ITPR1: variants seen among roughly 807,000 people sequenced by gnomAD.
ITPR1 encodes inositol 1,4,5-trisphosphate receptor type 1.
Under a neutral mutation model 318.4 loss-of-function variants are expected in ITPR1, and 96 were observed. The observed-to-expected ratio is 0.30, with a 90% confidence interval of 0.26 to 0.36. The LOEUF (loss-of-function observed/expected upper bound fraction) is 0.36, where lower values mean the gene tolerates loss of function less well. Ranked by LOEUF, ITPR1 falls within the 10% of genes least tolerant of loss-of-function variation. The pLI, the probability that ITPR1 is intolerant of heterozygous loss-of-function variation, is 1.00. For missense variants in ITPR1, 2,440 were observed against 3,460.2 expected (o/e 0.71, Z 7.40); for synonymous variants, 1,312 against 1,289.9 (o/e 1.02, Z -0.37).
Position 4,626,922 on chromosome 3 carries a change from G to A in ITPR1, c.164-841G>A, listed in dbSNP as rs144200754. Among the ~76,000 whole-genome samples, 112 of 152,236 alleles carry A rather than the reference G, an allele frequency of 7.4e-4. 2 individuals are homozygous for A. The highest frequency in any genetic ancestry group is 5.0e-3 in the East Asian group (26 of 5,180). The stretch of plus-strand genomic sequence containing the variant: ...CAACCTCTGCTTCCCAGTTTCAAGC[G>A]ATTCTTGTGCCTCAGCCACTGGAGT... On this transcript the variant is annotated intron_variant, in intron 4 of 61. Transcript: ENST00000649015.
intron 57 of ITPR1, chr3:4,814,191 A>T (rs2049129152): frequency 3.8e-6 from 2 of 529,330 alleles, no homozygotes; most frequent in Middle Eastern, 5.3e-4. Flanking sequence ...GATCCCACAG[A>T]GGGAGAGCAA....
chr3:4,838,817 A>G (rs2051120176), intron 61 of ITPR1, among the ~76,000 whole-genome samples: 1 of 152,226 alleles, frequency 6.6e-6, no homozygotes, highest in Non-Finnish European at 1.5e-5. Flanking sequence ...AATTTACTAG[A>G]GAGTTTCTTA....
chr3:4,702,136 G>C (rs1050621124), intron 35 of ITPR1, among the ~76,000 whole-genome samples: 10 of 110,652 alleles, frequency 9.0e-5, no homozygotes, highest in African/African-American at 2.0e-4. Flanking sequence ...CAGAAAGTCA[G>C]TGTCAAATTG....
intron 13 of ITPR1, among the ~76,000 whole-genome samples, chr3:4,659,764 T>C (rs1008373122): frequency 6.6e-6 from 1 of 152,144 alleles, no homozygotes; most frequent in Non-Finnish European, 1.5e-5. Flanking sequence ...TAGTTAATAT[T>C]GTATTAACTG....
intron 39 of ITPR1, among the ~76,000 whole-genome samples, chr3:4,717,027 A>G (rs1477160588): frequency 2.6e-5 from 4 of 152,224 alleles, no homozygotes; most frequent in African/African-American, 7.2e-5. Context: ...CCTCTTCGGA[A>G]AAAAACATTG....
intron 4 of ITPR1, among the ~76,000 whole-genome samples, chr3:4,579,993 G>A (rs932744040): frequency 4.6e-5 from 7 of 152,112 alleles, no homozygotes; most frequent in East Asian, 1.9e-4. Flanking sequence ...GGTGGATCAC[G>A]AAGTCAGGAG....
At chr3:4,706,047 G>C in intron 36 of ITPR1, 120 bp from the exon 37 acceptor site, 1 of 957,874 alleles carries the variant, frequency 1.0e-6, no homozygotes, top group Non-Finnish European at 1.6e-6. Flanking sequence ...CTCAATACCA[G>C]GCAAGCTGGC....
chr3:4,729,611 G>A (rs2042760463), intron 42 of ITPR1, among the ~76,000 whole-genome samples: 1 of 152,136 alleles, frequency 6.6e-6, no homozygotes, highest in Non-Finnish European at 1.5e-5. Flanking sequence ...CTCTTCCCAC[G>A]CAGTTCATTC....
At chr3:4,794,272 C>T (rs983448012) in intron 52 of ITPR1, among the ~76,000 whole-genome samples, 62 of 152,326 alleles carry the variant, frequency 4.1e-4, no homozygotes, top group African/African-American at 1.5e-3. Flanking sequence ...GCCCGGCCAG[C>T]GTGGGATAAC....
At chr3:4,622,634 C>G (rs1436959322) in intron 4 of ITPR1, among the ~76,000 whole-genome samples, 2 of 152,172 alleles carry the variant, frequency 1.3e-5, no homozygotes, top group East Asian at 3.9e-4. Flanking sequence ...ATGTTGGCCT[C>G]CATCTCTTGA....
Position 4,660,994 on chromosome 3 carries a change from T to C in ITPR1, c.1158T>C (p.Ser386=), listed in dbSNP as rs1390600030. ...RGGDSLVPRN[S]YVRLRHLCTN... ...CTCCTTTTTTCCCTGTTAGGAACTC[T>C]TATGTTCGGCTCAGACACCTATGTA... The change falls in exon 14 of 62, where the codon TCT becomes TCC. Residue 386 remains serine (S), a synonymous_variant. Coordinates refer to ENST00000649015, the MANE Select transcript of ITPR1 (RefSeq NM_001378452.1). 6.3e-7 allele frequency: 1 copy of C among 1,576,560 alleles called. No individual in the cohort carries two copies. The highest frequency in any genetic ancestry group is 8.7e-7 in the Non-Finnish European group (1 of 1,150,148).
chr3:4,499,698 A>C (rs2080874323), intron 2 of ITPR1, among the ~76,000 whole-genome samples: 1 of 152,226 alleles, frequency 6.6e-6, no homozygotes, highest in Admixed American at 6.5e-5. Context: ...TCCACAGTTT[A>C]GACTTTGCTG....
Position 4,814,516 on chromosome 3 carries a change from G to A in ITPR1, c.7655G>A (p.Arg2552Gln), listed in dbSNP as rs773763162. Residue 2552 changes from arginine (R) to glutamine (Q), a missense_variant, in exon 58 of 62, where the codon CGG becomes CAG. By Grantham distance (43) the Arg-to-Gln change is conservative. Coordinates refer to ENST00000649015, the MANE Select transcript of ITPR1 (RefSeq NM_001378452.1). ...GTCACTGTGCTGAGTCACGGGCTGCGGAGCGGGGGTGGAGTAGGAGATGTA... is the reference window on the plus strand; with the variant it reads ...GTCACTGTGCTGAGTCACGGGCTGCAGAGCGGGGGTGGAGTAGGAGATGTA... ...CIVTVLSHGL[R>Q]SGGGVGDVLR... 6.2e-7 allele frequency: 1 copy of A among 1,613,634 alleles called. No individual in the cohort carries two copies. Among genetic ancestry groups the A allele is most frequent in the Admixed American group, 1.7e-5 (1 of 60,008 alleles).
rs1288909371 is a variant in ITPR1 at position 4,684,324 on chromosome 3, A to G, written c.3542A>G (p.Tyr1181Cys). The change falls in exon 29 of 62, where the codon TAC becomes TGC. Residue 1181 changes from tyrosine (Y) to cysteine (C), a missense_variant. By Grantham distance (194) the Tyr-to-Cys change is radical. Transcript: ENST00000649015. ...KPQKHESTSS[Y>C]NYRVVKEILI... ...CAAAAGCATGAAAGCACCAGCAGCT[A>G]CAACTACAGAGTGGTCAAAGAGGTA... 6.2e-7 allele frequency: 1 copy of G among 1,612,878 alleles called. No homozygotes were observed. Among genetic ancestry groups the G allele is most frequent in the Non-Finnish European group, 8.5e-7 (1 of 1,179,216 alleles).
intron 44 of ITPR1, among the ~76,000 whole-genome samples, chr3:4,757,735 T>C (rs1030751303): frequency 6.6e-6 from 1 of 152,124 alleles, no homozygotes; most frequent in African/African-American, 2.4e-5. Context: ...ATAATGCATA[T>C]AAAGCGCTTA....
At chr3:4,727,065 G>A in intron 41 of ITPR1, 61 bp from the exon 42 acceptor site, 1 of 1,243,402 alleles carries the variant, frequency 8.0e-7, no homozygotes. Flanking sequence ...TGTGACTGAT[G>A]CTGCAGATGG....
intron 4 of ITPR1, among the ~76,000 whole-genome samples, chr3:4,575,710 C>CT (rs2088574082): frequency 6.7e-6 from 1 of 149,592 alleles, no homozygotes; most frequent in African/African-American, 2.5e-5. Context: ...TTGATGTCTT[C>CT]TTTAAAAAAA....
At chr3:4,641,542 A>G (rs1297009071) in intron 6 of ITPR1, among the ~76,000 whole-genome samples, 2 of 152,096 alleles carry the variant, frequency 1.3e-5, no homozygotes, top group African/African-American at 4.8e-5. Flanking sequence ...ACACTTGGTT[A>G]ATTTTAAATA....
intron 44 of ITPR1, among the ~76,000 whole-genome samples, chr3:4,755,499 G>A (rs2044904393): frequency 6.6e-6 from 1 of 151,900 alleles, no homozygotes; most frequent in South Asian, 2.1e-4. Context: ...TTGGCCTCCG[G>A]AAGTGCTGTG....
Sources: allele counts gnomAD v4.1 joint callset (sites outside exome capture counted in the v4.1 genomes callset), GRCh38; gene constraint gnomAD v4.1.1; transcripts MANE v1.5; gene names NCBI Gene and HGNC (gene_info 2026-07-23, HGNC 2026-07-21).